The following MRPS28 variants were observed in gnomAD, a reference collection of about 807,000 sequenced individuals.
MRPS28 encodes small ribosomal subunit protein bS1m.
MRPS28 carries 7 observed loss-of-function variants against 10.8 expected under a neutral mutation model. The ratio of observed to expected loss-of-function variants is 0.65; its 90% CI spans 0.37 to 1.22. The LOEUF is 1.22. Ranked by LOEUF, MRPS28 falls within the 50% of genes most tolerant of loss-of-function variation. The pLI, the probability that MRPS28 is intolerant of heterozygous loss-of-function variation, is 0.02. For synonymous variants in MRPS28, 121 were observed against 93.3 expected (o/e 1.30, Z -1.71); for missense variants, 265 against 232.9 (o/e 1.14, Z -0.90).
rs542184199 is a variant in MRPS28, at chr8:79,962,252, C to T, written c.395+40747G>A. On this transcript the variant is annotated intron_variant, in intron 2 of 2. Coordinates refer to ENST00000276585, the MANE Select transcript of MRPS28 (RefSeq NM_014018.3). The stretch of plus-strand genomic sequence containing the variant: ...GGATACAAGAGGTGATCCTGAATGG[C>T]CATGCTTTGAATAACCACCAGAAGC... 1.2e-4 allele frequency among the ~76,000 whole-genome samples: 18 copies of T among 152,138 alleles called. No individual in the cohort carries two copies. In the East Asian group the frequency reaches 2.7e-3, roughly 23 times the overall value.
intron 2 of MRPS28, among the ~76,000 whole-genome samples, chr8:79,939,838 C>T (rs1054937104): frequency 3.9e-5 from 6 of 151,934 alleles, no homozygotes; most frequent in Non-Finnish European, 8.8e-5. Context: ...GGCATGGTGG[C>T]GGGCGCCTGT....
chr8:80,029,613 C>T (rs1809592959), intron 1 of MRPS28: 15 of 573,126 alleles, frequency 2.6e-5, no homozygotes, highest in Non-Finnish European at 3.9e-5. Flanking sequence ...TATGAAGGGC[C>T]TTCTACTCCA....
intron 2 of MRPS28, among the ~76,000 whole-genome samples, chr8:79,934,815 C>T (rs1033193677): frequency 6.6e-6 from 1 of 151,954 alleles, no homozygotes; most frequent in Non-Finnish European, 1.5e-5. Flanking sequence ...TAAGAAACAA[C>T]CTGATTAAAA....
intron 2 of MRPS28, among the ~76,000 whole-genome samples, chr8:79,921,335 T>G (rs978599971): frequency 3.4e-5 from 5 of 147,816 alleles, no homozygotes; most frequent in Non-Finnish European, 4.6e-5. Context: ...AGAAAGTCAT[T>G]GGTAGCTTGA....
chr8:79,972,883 A>C (rs1262201459), intron 2 of MRPS28, among the ~76,000 whole-genome samples: 3 of 152,336 alleles, frequency 2.0e-5, no homozygotes, highest in Middle Eastern at 3.4e-3. Flanking sequence ...AACATTCAAA[A>C]TATTGGGAGA....
At chr8:79,976,179 G>A (rs1429073686) in intron 2 of MRPS28, among the ~76,000 whole-genome samples, 2 of 151,962 alleles carry the variant, frequency 1.3e-5, no homozygotes, top group African/African-American at 4.8e-5. Flanking sequence ...TGCCTCCCGG[G>A]TTCAAGCAAT....
intron 2 of MRPS28, chr8:79,957,115 C>G (rs1034827500): frequency 1.3e-5 from 2 of 152,138 alleles, no homozygotes; most frequent in African/African-American, 4.8e-5. Context: ...TTCGTATAAG[C>G]TATTCATTCA....
At chr8:79,968,712 T>G (rs1439622015) in intron 2 of MRPS28, among the ~76,000 whole-genome samples, 1 of 150,520 alleles carries the variant, frequency 6.6e-6, no homozygotes, top group African/African-American at 2.5e-5. Flanking sequence ...AGTGAGACTC[T>G]GTCTAAAAAA....
At chr8:80,007,974 A>G (rs1808907090) in intron 1 of MRPS28, among the ~76,000 whole-genome samples, 1 of 152,210 alleles carries the variant, frequency 6.6e-6, no homozygotes, top group Non-Finnish European at 1.5e-5. Context: ...AGTCAATCCT[A>G]AGCCAAAAGA....
intron 1 of MRPS28, among the ~76,000 whole-genome samples, chr8:80,029,187 T>C (rs1180108593): frequency 6.6e-6 from 1 of 152,124 alleles, no homozygotes; most frequent in African/African-American, 2.4e-5. Context: ...CAACAGAAAA[T>C]AATAAACTAA....
intron 1 of MRPS28, among the ~76,000 whole-genome samples, chr8:80,011,134 TA>T (rs1173060701): frequency 1.4e-5 from 2 of 146,534 alleles, no homozygotes; most frequent in African/African-American, 2.7e-5. Flanking sequence ...TTTATTTTTT[TA>T]TTTTTATTTT....
At chr8:79,931,737 T>TG (rs1391715864) in intron 2 of MRPS28, among the ~76,000 whole-genome samples, 1 of 152,244 alleles carries the variant, frequency 6.6e-6, no homozygotes, top group Non-Finnish European at 1.5e-5. Context: ...AAAGTAGGTC[T>TG]GGCTGTTAAG....
intron 1 of MRPS28, among the ~76,000 whole-genome samples, chr8:80,006,179 T>C (rs1808836932): frequency 6.6e-6 from 1 of 152,184 alleles, no homozygotes; most frequent in African/African-American, 2.4e-5. Flanking sequence ...CAACAGAATA[T>C]TCATTCTTCT....
Position 80,003,085 on chromosome 8 carries a change from C to T in MRPS28, c.309G>A (p.Arg103=). The change falls in exon 2 of 3, where the codon CGG becomes CGA. Residue 103 remains arginine (R), a synonymous_variant. Coordinates refer to ENST00000276585, the MANE Select transcript of MRPS28 (RefSeq NM_014018.3). ...GATCATTCTCCACAATATGAAAGAT[C>T]CGTCCAATGACCAGTTTATCCTTTG... The part of the protein sequence containing the change: ...GPAKDKLVIG[R]IFHIVENDLY... The T allele has an allele frequency of 6.2e-7, 1 of 1,613,760 alleles. No homozygotes were observed.
At chr8:79,922,528 T>C (rs1810122067) in intron 2 of MRPS28, among the ~76,000 whole-genome samples, 1 of 152,188 alleles carries the variant, frequency 6.6e-6, no homozygotes, top group East Asian at 1.9e-4. Flanking sequence ...ATTAGCTCGA[T>C]TTGGCTATCC....
intron 2 of MRPS28, among the ~76,000 whole-genome samples, chr8:79,977,780 A>G (rs1384507459): frequency 6.6e-6 from 1 of 151,946 alleles, no homozygotes. Context: ...TTGCAGCACT[A>G]TACTACAGCC....
rs912411319 is a variant in MRPS28 at position 80,030,243 on chromosome 8, C to G, written c.6G>C (p.Ala2=). The G allele has an allele frequency of 6.2e-7, 1 of 1,614,046 alleles. No individual in the cohort carries two copies. Among genetic ancestry groups the G allele is most frequent in the Admixed American group, 1.7e-5 (1 of 60,012 alleles). The stretch of plus-strand genomic sequence containing the variant: ...CCACAGCACGGGTCCGACACAGCGC[C>G]GCCATGACTTCTTTACCTCTGACCT... The part of the protein sequence containing the change: M[A]ALCRTRAVAA... The change falls in exon 1 of 3, where the codon GCG becomes GCC. Residue 2 remains alanine, a synonymous_variant. Transcript: ENST00000276585.
At chr8:79,925,771 T>G (rs981586410) in intron 2 of MRPS28, among the ~76,000 whole-genome samples, 2 of 152,080 alleles carry the variant, frequency 1.3e-5, no homozygotes, top group Admixed American at 6.6e-5. Flanking sequence ...GAGGACTGCT[T>G]GAGTTCAGAG....
chr8:80,019,611 T>C (rs757922480), intron 1 of MRPS28, among the ~76,000 whole-genome samples: 2 of 152,040 alleles, frequency 1.3e-5, no homozygotes, highest in Admixed American at 6.6e-5. Context: ...CTTTTCAACA[T>C]TGTACTAGAA....
Sources: gnomAD v4.1 joint callset for allele counts (sites outside exome capture counted in the v4.1 genomes callset) on GRCh38, gnomAD v4.1.1 for gene constraint, MANE v1.5 for transcripts, NCBI Gene and HGNC (gene_info 2026-07-23, HGNC 2026-07-21) for gene names.